Variants in NUP155 observed in about 807,000 individuals in gnomAD.
NUP155 encodes nuclear pore complex protein Nup155.
A neutral mutation model predicts 180.4 loss-of-function variants in NUP155; 71 were observed. The ratio of observed to expected loss-of-function variants is 0.39; its 90% CI spans 0.33 to 0.48. NUP155 has a LOEUF of 0.48. Among genes scored for constraint, NUP155 ranks in the 20% least tolerant of loss-of-function variants. The probability of loss-of-function intolerance (pLI) is 0.91; values close to 1 mark genes in which losing one functional copy is unlikely to be tolerated. For missense variants in NUP155, 1,553 were observed against 1,648.9 expected (o/e 0.94, Z 1.01); for synonymous variants, 582 against 559.5 (o/e 1.04, Z -0.57).
intron 9 of NUP155, among the ~76,000 whole-genome samples, chr5:37,347,321 T>C (rs1746158715): frequency 7.9e-6 from 1 of 126,198 alleles, no homozygotes; most frequent in Non-Finnish European, 1.5e-5. Flanking sequence ...CTATGTAAAG[T>C]TGCCAGGAAA....
chr5:37,324,341 A>G (rs1257402269), intron 19 of NUP155, among the ~76,000 whole-genome samples: 6 of 152,180 alleles, frequency 3.9e-5, no homozygotes, highest in African/African-American at 1.4e-4. Flanking sequence ...ACTTTTATAT[A>G]TTTTTGTATA....
chr5:37,349,481 A>G (rs1746323810), intron 7 of NUP155, among the ~76,000 whole-genome samples: 1 of 152,208 alleles, frequency 6.6e-6, no homozygotes, highest in Non-Finnish European at 1.5e-5. Flanking sequence ...GGTTATGAGC[A>G]TAGAAAGTAA....
At chr5:37,330,181 A>G in intron 14 of NUP155, 49 bp from the exon 15 acceptor site, 1 of 1,332,232 alleles carries the variant, frequency 7.5e-7, no homozygotes, top group Non-Finnish European at 1.1e-6. Flanking sequence ...AAATTTTAAA[A>G]TGATTTGTGT....
At position 37,371,084 on chromosome 5, in the gene NUP155, A is replaced by C; in HGVS notation, c.-107T>G. ...TCCGCCGCCTAGGGCGCGCGCGCCAAACGAGCGCCTTGGCGCCTCGACATG... is the reference window on the plus strand; with the variant it reads ...TCCGCCGCCTAGGGCGCGCGCGCCACACGAGCGCCTTGGCGCCTCGACATG... On this transcript the variant is annotated 5_prime_UTR_variant, in exon 1 of 35. Coordinates refer to ENST00000231498, the MANE Select transcript of NUP155 (RefSeq NM_153485.3). 2.5e-6 allele frequency: 3 copies of C among 1,183,410 alleles called. No homozygotes were observed. The South Asian group carries it at 3.8e-5, about 15-fold the overall frequency. The allele number at this position is 1,183,410 out of a possible 1,614,324, so 73.3% of individuals were successfully genotyped here.
At chr5:37,347,354 G>A (rs530948038) in intron 9 of NUP155, among the ~76,000 whole-genome samples, 3 of 152,262 alleles carry the variant, frequency 2.0e-5, no homozygotes, top group African/African-American at 7.2e-5. Flanking sequence ...TGTACTTTAC[G>A]TAGTAAAACC....
At chr5:37,354,457 CTTTTTTTTTTT>C (rs34505360) in intron 4 of NUP155, among the ~76,000 whole-genome samples, 1 of 115,058 alleles carries the variant, frequency 8.7e-6, no homozygotes, top group African/African-American at 3.1e-5. Context: ...TTTATTTCTT[CTTTTTTTTTTT>C]TTTTTTTTGA....
In NUP155 at chr5:37,331,667, A is replaced by T. The variant is rs776192086; in HGVS notation, c.1629+18T>A. The stretch of plus-strand genomic sequence containing the variant: ...TGTTTAAAATAGCATCACATTTTTT[A>T]AAAGTATATATAATTACCTGATGTA... On this transcript the variant is annotated intron_variant, in intron 14 of 34. Transcript: ENST00000231498. The T allele has an allele frequency of 1.5e-5, 21 of 1,414,852 alleles. No homozygotes were observed. Among genetic ancestry groups the T allele is most frequent in the African/African-American group, 7.0e-5 (5 of 70,944 alleles). 87.6% of individuals were successfully genotyped at this position (1,414,852 alleles called of 1,614,324 possible). A position where few individuals can be genotyped will look rare whatever the true frequency, so the allele number is the denominator to read the frequency against.
intron 25 of NUP155, 95 bp from the exon 26 acceptor site, chr5:37,305,305 G>A (rs545400529): frequency 5.4e-6 from 6 of 1,120,528 alleles, no homozygotes; most frequent in African/African-American, 4.6e-5. Flanking sequence ...CAGCCATAGG[G>A]AAGTCAAGGT....
intron 21 of NUP155, among the ~76,000 whole-genome samples, chr5:37,314,865 G>T (rs1743784451): frequency 6.6e-6 from 1 of 152,090 alleles, no homozygotes; most frequent in Non-Finnish European, 1.5e-5. Flanking sequence ...ACAAAATGAT[G>T]AATAGAAACC....
chr5:37,350,542 C>G (rs1746387231), intron 6 of NUP155, among the ~76,000 whole-genome samples: 1 of 152,088 alleles, frequency 6.6e-6, no homozygotes, highest in Non-Finnish European at 1.5e-5. Flanking sequence ...GTGGCTCGCA[C>G]CTGTAAATCC....
intron 13 of NUP155, 150 bp downstream of exon 13, chr5:37,333,313 C>G: frequency 1.4e-6 from 1 of 715,908 alleles, no homozygotes; most frequent in East Asian, 2.8e-5. Context: ...TGAGATCACA[C>G]CACTGCACTC....
At chr5:37,298,566 T>C (rs1028186810) in intron 32 of NUP155, among the ~76,000 whole-genome samples, 5 of 152,158 alleles carry the variant, frequency 3.3e-5, no homozygotes, top group African/African-American at 1.2e-4. Context: ...ATCAACCGTT[T>C]TTCTTTTCTC....
intron 4 of NUP155, among the ~76,000 whole-genome samples, chr5:37,356,825 G>A (rs2111651509): frequency 6.6e-6 from 1 of 152,286 alleles, no homozygotes; most frequent in East Asian, 1.9e-4. Context: ...TCAAGAATAT[G>A]GCCAGGGCAC....
intron 20 of NUP155, among the ~76,000 whole-genome samples, chr5:37,318,579 T>A (rs1247492642): frequency 1.3e-5 from 2 of 152,142 alleles, no homozygotes; most frequent in Non-Finnish European, 1.5e-5. Flanking sequence ...CAATTTCGAT[T>A]TCAAATTTTC....
rs536578999 is a variant in NUP155 at position 37,291,818 on chromosome 5, T to C, written c.*82A>G. 1.4e-5 allele frequency: 18 copies of C among 1,271,506 alleles called. No individual in the cohort carries two copies. The East Asian group carries it at 2.3e-4, about 16-fold the overall frequency. 78.8% of individuals were successfully genotyped at this position (1,271,506 alleles called of 1,614,324 possible). A position where few individuals can be genotyped will look rare whatever the true frequency, so the allele number is the denominator to read the frequency against. ...TCTATTAAGATTGTTCTTACATTCT[T>C]AGATTTAGAACACCTGATATCTGGA... On this transcript the variant is annotated 3_prime_UTR_variant, in exon 35 of 35. Coordinates refer to ENST00000231498, the MANE Select transcript of NUP155 (RefSeq NM_153485.3).
At chr5:37,308,874 TCAAA>T (rs1356115478) in intron 24 of NUP155, among the ~76,000 whole-genome samples, 1 of 39,756 alleles carries the variant, frequency 2.5e-5, no homozygotes, top group African/African-American at 1.7e-4. Flanking sequence ...AGCGAGACTC[TCAAA>T]AAAAAAAAAA....
chr5:37,331,587 T>C (rs543165869), intron 14 of NUP155, 98 bp downstream of exon 14: 2 of 596,084 alleles, frequency 3.4e-6, no homozygotes, highest in Non-Finnish European at 5.7e-6. Flanking sequence ...AATATATATA[T>C]ATATTTATTA....
intron 10 of NUP155, among the ~76,000 whole-genome samples, chr5:37,341,592 G>A (rs1259643914): frequency 1.3e-5 from 2 of 152,110 alleles, no homozygotes; most frequent in East Asian, 3.9e-4. Flanking sequence ...CCAGGCTGGA[G>A]TGTAGTGGCG....
chr5:37,309,761 A>G (rs1297297802), intron 23 of NUP155, among the ~76,000 whole-genome samples: 1 of 152,126 alleles, frequency 6.6e-6, no homozygotes, highest in African/African-American at 2.4e-5. Context: ...ACACTATCAA[A>G]GATTCTTTAT....
Sources: allele counts gnomAD v4.1 joint callset (sites outside exome capture counted in the v4.1 genomes callset), GRCh38; gene constraint gnomAD v4.1.1; transcripts MANE v1.5; gene names NCBI Gene and HGNC (gene_info 2026-07-23, HGNC 2026-07-21).